Variants in MYO16 observed in about 807,000 individuals in gnomAD.
The protein encoded by MYO16 is myosin XVI, also known as unconventional myosin-XVI.
MYO16 carries 94 observed loss-of-function variants against 205.3 expected under a neutral mutation model. The ratio of observed to expected loss-of-function variants is 0.46; its 90% confidence interval spans 0.39 to 0.54. MYO16 has a LOEUF of 0.54. MYO16 is among the 20% of genes least tolerant of loss of function. The pLI is 0.00. For synonymous variants in MYO16, 988 were observed against 954.0 expected (o/e 1.04, Z -0.66); for missense variants, 2,315 against 2,387.5 (o/e 0.97, Z 0.63).
At chr13:108,721,873 ATGGAGGGGAGTAATCTG>A (rs1239679987) in intron 3 of MYO16, among the ~76,000 whole-genome samples, 2 of 152,098 alleles carry the variant, frequency 1.3e-5, no homozygotes, top group Non-Finnish European at 2.9e-5. Context: ...GCATCATTCC[ATGGAGGGGAGTAATCTG>A]TGGCCATGAA....
At chr13:108,579,873 T>C in the MYO16 span, among the ~76,000 whole-genome samples, 2 of 152,242 alleles carry the variant, frequency 1.3e-5, no homozygotes, top group African/African-American at 4.8e-5. Flanking sequence ...GGCCACTTCC[T>C]AAATAATATT....
the MYO16 span, among the ~76,000 whole-genome samples, chr13:108,587,657 G>T: frequency 6.6e-6 from 1 of 152,082 alleles, no homozygotes; most frequent in Non-Finnish European, 1.5e-5. Flanking sequence ...GCACCACTGA[G>T]AATAAAAATT....
At chr13:108,967,952 T>A (rs867073290) in intron 20 of MYO16, among the ~76,000 whole-genome samples, 18 of 152,322 alleles carry the variant, frequency 1.2e-4, no homozygotes, top group Admixed American at 3.3e-4. Flanking sequence ...TTTTCATCAT[T>A]TTCTGAGGCA....
rs183032160 is a variant in MYO16, at chr13:109,031,195, G to C, written c.2796+11284G>C. 2.0e-5 allele frequency among the ~76,000 whole-genome samples: 3 copies of C among 152,130 alleles called. No homozygotes were observed. The East Asian group carries it at 5.8e-4, about 29-fold the overall frequency. The stretch of plus-strand genomic sequence containing the variant: ...AAACCTCTGCCTCCCAGATTCAAGC[G>C]ATTCTTCAGCCTCAGCCTCCTGAGT... On this transcript the variant is annotated intron_variant, in intron 23 of 34. Transcript: ENST00000457511.
chr13:109,118,412 T>C (rs1299791097), intron 28 of MYO16, among the ~76,000 whole-genome samples: 1 of 152,240 alleles, frequency 6.6e-6, no homozygotes, highest in Non-Finnish European at 1.5e-5. Context: ...CCTCTCCTGC[T>C]GAGGGTCTCC....
the MYO16 span, among the ~76,000 whole-genome samples, chr13:108,589,642 G>A: frequency 6.6e-6 from 1 of 152,032 alleles, no homozygotes; most frequent in Non-Finnish European, 1.5e-5. Flanking sequence ...TTAGGGCTCC[G>A]GGTATGACCA....
chr13:108,988,307 G>A lies in MYO16; in HGVS notation c.2370-4069G>A, dbSNP rs369303608. ...TGCCAATGTTGCTATTGCAGTAACA[G>A]ACGCATATTTCAGTCATAAATGATG... On this transcript the variant is annotated intron_variant, in intron 20 of 34. Transcript: ENST00000457511. Among the ~76,000 whole-genome samples the A allele has an allele frequency of 1.3e-4, 20 of 152,248 alleles. No homozygotes were observed. In the South Asian group the frequency reaches 3.7e-3, roughly 28 times the overall value.
chr13:108,622,884 G>T (rs534667825), intron 1 of MYO16, among the ~76,000 whole-genome samples: 2 of 152,146 alleles, frequency 1.3e-5, no homozygotes, highest in Non-Finnish European at 2.9e-5. Flanking sequence ...ATATCATCCT[G>T]CAAGGGCAGT....
chr13:108,691,785 G>A (rs1374736623), intron 2 of MYO16, among the ~76,000 whole-genome samples: 1 of 152,170 alleles, frequency 6.6e-6, no homozygotes, highest in African/African-American at 2.4e-5. Context: ...ATTCTTTTGG[G>A]TTTAAAGCAA....
intron 21 of MYO16, 38 bp downstream of exon 21, chr13:108,992,486 T>G (rs1328629005): frequency 7.5e-7 from 1 of 1,333,958 alleles, no homozygotes. Flanking sequence ...TGAACTTGAA[T>G]GGCTTTTGAA....
chr13:108,960,211 G>A (rs1883528442), intron 17 of MYO16, among the ~76,000 whole-genome samples: 1 of 149,216 alleles, frequency 6.7e-6, no homozygotes, highest in African/African-American at 2.5e-5. Flanking sequence ...GGAGGTCAAG[G>A]CCGTAGTAAG....
chr13:108,644,292 C>T (rs1451782668), intron 1 of MYO16, among the ~76,000 whole-genome samples: 1 of 152,200 alleles, frequency 6.6e-6, no homozygotes, highest in Non-Finnish European at 1.5e-5. Context: ...ACTCCCACCA[C>T]TCCACTCCCT....
chr13:108,790,608 A>G (rs1201761087), intron 5 of MYO16, among the ~76,000 whole-genome samples: 1 of 152,208 alleles, frequency 6.6e-6, no homozygotes, highest in Non-Finnish European at 1.5e-5. Context: ...GGAGCATTAA[A>G]GAAATTTGTT....
At chr13:108,751,051 A>G (rs1276135346) in intron 4 of MYO16, among the ~76,000 whole-genome samples, 1 of 128,750 alleles carries the variant, frequency 7.8e-6, no homozygotes, top group Non-Finnish European at 1.6e-5. Flanking sequence ...AAATATATAT[A>G]TATGTGTGTT....
intron 10 of MYO16, among the ~76,000 whole-genome samples, chr13:108,849,189 G>GTTTTT (rs1377058872): frequency 2.2e-3 from 330 of 151,980 alleles, no homozygotes; most frequent in African/African-American, 7.7e-3. Flanking sequence ...TTTTGTTTTT[G>GTTTTT]TTTTTGTTTT....
At chr13:109,123,703 G>A (rs977636507) in intron 29 of MYO16, among the ~76,000 whole-genome samples, 3 of 152,008 alleles carry the variant, frequency 2.0e-5, no homozygotes, top group Non-Finnish European at 4.4e-5. Flanking sequence ...TGAAAAAAAC[G>A]CTTTCAGCAT....
chr13:109,068,488 C>A (rs955336179), intron 27 of MYO16, among the ~76,000 whole-genome samples: 1 of 143,724 alleles, frequency 7.0e-6, no homozygotes, highest in Non-Finnish European at 1.5e-5. Flanking sequence ...TGGCTATACG[C>A]CTGGGGTGAT....
intron 5 of MYO16, among the ~76,000 whole-genome samples, chr13:108,787,946 C>T (rs1221729288): frequency 2.6e-5 from 4 of 152,138 alleles, no homozygotes; most frequent in South Asian, 2.1e-4. Context: ...CTGTCTAATT[C>T]GATTTATTCT....
chr13:108,966,901 T>C (rs1185077315), intron 20 of MYO16, among the ~76,000 whole-genome samples: 1 of 152,174 alleles, frequency 6.6e-6, no homozygotes, highest in Non-Finnish European at 1.5e-5. Flanking sequence ...TAGGCTCTTG[T>C]TGTTTACCAA....
Sources: allele counts gnomAD v4.1 joint callset (sites outside exome capture counted in the v4.1 genomes callset), GRCh38; gene constraint gnomAD v4.1.1; transcripts MANE v1.5; gene names NCBI Gene and HGNC (gene_info 2026-07-23, HGNC 2026-07-21).